The following PCDH17 variants were observed in gnomAD, a reference collection of about 807,000 sequenced individuals.
PCDH17 encodes the protein protocadherin-17.
Under a neutral mutation model 67.7 loss-of-function variants are expected in PCDH17, and 21 were observed. That is an observed-to-expected ratio of 0.31 (90% confidence interval 0.22 to 0.45). The LOEUF is 0.45. Ranked by LOEUF, PCDH17 falls within the 20% of genes least tolerant of loss-of-function variation. The pLI is 1.00. For missense variants in PCDH17, 1,471 were observed against 1,564.8 expected (o/e 0.94, Z 1.01); for synonymous variants, 701 against 656.7 (o/e 1.07, Z -1.03).
At chr13:57,644,451 A>G (rs1193481006) in intron 1 of PCDH17, among the ~76,000 whole-genome samples, 1 of 151,546 alleles carries the variant, frequency 6.6e-6, no homozygotes, top group Non-Finnish European at 1.5e-5. Flanking sequence ...ACAATTACAT[A>G]GTAATTTGGG....
chr13:57,665,339 C>G (rs908220573), intron 1 of PCDH17, among the ~76,000 whole-genome samples: 1 of 151,526 alleles, frequency 6.6e-6, no homozygotes, highest in African/African-American at 2.4e-5. Context: ...TTTCAGTAAT[C>G]GCTCACAAAT....
intron 1 of PCDH17, among the ~76,000 whole-genome samples, chr13:57,636,468 T>C (rs192373634): frequency 6.6e-6 from 1 of 152,274 alleles, no homozygotes; most frequent in Non-Finnish European, 1.5e-5. Flanking sequence ...TACTAATACT[T>C]AGCAAAATAT....
At chr13:57,631,530 G>A (rs1954720097), upstream of PCDH17, among the ~76,000 whole-genome samples, 1 of 152,186 alleles carries the variant, frequency 6.6e-6, no homozygotes, top group Admixed American at 6.5e-5. Context: ...TGGTAGCGGA[G>A]GCTACTGGCT....
At chr13:57,655,819 A>G (rs1298070382) in intron 1 of PCDH17, among the ~76,000 whole-genome samples, 1 of 152,086 alleles carries the variant, frequency 6.6e-6, no homozygotes, top group Non-Finnish European at 1.5e-5. Flanking sequence ...CCATCTTGGT[A>G]TTAAGGGGGA....
chr13:57,704,324 A>G (rs902506932), intron 3 of PCDH17, among the ~76,000 whole-genome samples: 7 of 152,108 alleles, frequency 4.6e-5, no homozygotes, highest in African/African-American at 1.7e-4. Flanking sequence ...GGCATTACAG[A>G]TCACAAAATC....
chr13:57,642,494 C>T (rs1278052438), intron 1 of PCDH17, among the ~76,000 whole-genome samples: 1 of 151,536 alleles, frequency 6.6e-6, no homozygotes, highest in South Asian at 2.1e-4. Context: ...TTACAGTTAC[C>T]TTACAACTTC....
chr13:57,658,950 G>T (rs1426136051), intron 1 of PCDH17, among the ~76,000 whole-genome samples: 2 of 152,026 alleles, frequency 1.3e-5, no homozygotes, highest in African/African-American at 4.8e-5. Flanking sequence ...ATAATCCATT[G>T]CCTCCTGTGT....
intron 1 of PCDH17, among the ~76,000 whole-genome samples, chr13:57,655,455 G>A (rs1446493357): frequency 6.6e-6 from 1 of 151,852 alleles, no homozygotes; most frequent in African/African-American, 2.4e-5. Context: ...TCTGTTATAT[G>A]TTTGGATCAC....
chr13:57,681,871 TTA>T (rs1427318335), intron 3 of PCDH17, among the ~76,000 whole-genome samples: 1 of 151,936 alleles, frequency 6.6e-6, no homozygotes, highest in East Asian at 1.9e-4. Flanking sequence ...AGCATGAGTG[TTA>T]TGTTTAGAAC....
chr13:57,714,963 G>A (rs1027341601), intron 3 of PCDH17, among the ~76,000 whole-genome samples: 4 of 151,748 alleles, frequency 2.6e-5, no homozygotes, highest in African/African-American at 9.7e-5. Flanking sequence ...ATAAAGAGGT[G>A]ATTATTTAAA....
At chr13:57,678,444 G>A (rs189046351) in intron 3 of PCDH17, among the ~76,000 whole-genome samples, 46 of 151,644 alleles carry the variant, frequency 3.0e-4, no homozygotes, top group Admixed American at 1.5e-3. Flanking sequence ...AGCATAATGG[G>A]GAGGCTAGCT....
rs1222697615 is a variant in PCDH17 at position 57,640,323 on chromosome 13, G to A, written c.2565+5212G>A. ...TGAAAATTCACATGCATTTATTGCA[G>A]TGAAATTTGGCTATGCCTGTATTTA... On this transcript the variant is annotated intron_variant, in intron 1 of 3. Coordinates refer to ENST00000377918, the MANE Select transcript of PCDH17 (RefSeq NM_001040429.3). 2.6e-5 allele frequency among the ~76,000 whole-genome samples: 4 copies of A among 152,058 alleles called. No homozygotes were observed. The South Asian group carries it at 8.3e-4, about 31-fold the overall frequency.
At chr13:57,647,710 A>G (rs1385837009) in intron 1 of PCDH17, among the ~76,000 whole-genome samples, 1 of 151,848 alleles carries the variant, frequency 6.6e-6, no homozygotes, top group Non-Finnish European at 1.5e-5. Flanking sequence ...TTGAGTATAT[A>G]TTTTAAGATG....
chr13:57,633,118 A>G lies in PCDH17; in HGVS notation c.572A>G (p.Lys191Arg). 1 of 1,613,490 alleles carries G rather than the reference A, an allele frequency of 6.2e-7. No homozygotes were observed. ...LDVKSRGDGT[K>R]FPELVIQKAL... ...GTTAAGTCCCGCGGCGACGGCACCAAGTTCCCAGAACTGGTCATCCAGAAG... is the reference window on the plus strand; with the variant it reads ...GTTAAGTCCCGCGGCGACGGCACCAGGTTCCCAGAACTGGTCATCCAGAAG... Residue 191 changes from lysine (K) to arginine (R), a missense_variant, in exon 1 of 4, where the codon AAG becomes AGG. Lys to Arg is a conservative substitution (Grantham distance 26, BLOSUM62 2). This residue lies in a region of PCDH17 where 1,163 missense variants were observed against 1,230.0 expected (regional missense o/e 0.95). Transcript: ENST00000377918. This position sits in a 1 kb window ranked among gnomAD's most constrained non-coding sequence, Gnocchi z 6.2.
chr13:57,707,232 C>T (rs1213086756), intron 3 of PCDH17, among the ~76,000 whole-genome samples: 1 of 151,904 alleles, frequency 6.6e-6, no homozygotes, highest in Non-Finnish European at 1.5e-5. Flanking sequence ...GTCTTACTTT[C>T]AGTGTCCAAA....
chr13:57,669,518 G>A (rs1447540497), intron 3 of PCDH17, among the ~76,000 whole-genome samples: 2 of 151,346 alleles, frequency 1.3e-5, no homozygotes, highest in Non-Finnish European at 2.9e-5. Flanking sequence ...TTATCTATCT[G>A]TCAGTCTGTC....
At chr13:57,677,575 G>A (rs113786534) in intron 3 of PCDH17, among the ~76,000 whole-genome samples, 4,956 of 151,754 alleles carry the variant, frequency 0.033, 116 homozygotes, top group Non-Finnish European at 0.048. Context: ...CAGTAAGAAC[G>A]GGAAAGCCAT....
chr13:57,703,161 C>A, intron 3 of PCDH17, among the ~76,000 whole-genome samples: 1 of 152,224 alleles, frequency 6.6e-6, no homozygotes, highest in Non-Finnish European at 1.5e-5. Context: ...AAGGCATCTT[C>A]TTTTTCTCTA....
Position 57,727,715 on chromosome 13 carries a change from T to C in PCDH17, c.*2421T>C, listed in dbSNP as rs1955925411. The C allele has an allele frequency of 1.3e-5, 2 of 152,148 alleles. No homozygotes were observed. The highest frequency in any genetic ancestry group is 2.9e-5 in the Non-Finnish European group (2 of 68,002). The allele number at this position is 152,148 out of a possible 1,614,324, so 9.4% of individuals were successfully genotyped here. A position where few individuals can be genotyped will look rare whatever the true frequency, so the allele number is the denominator to read the frequency against. ...ATTTATGTATCTGAAATGTGTTGTC[T>C]CTGTTATATGATGTTATTTTTGCCA... On this transcript the variant is annotated 3_prime_UTR_variant, in exon 4 of 4. Coordinates refer to ENST00000377918, the MANE Select transcript of PCDH17 (RefSeq NM_001040429.3).
Sources: allele counts gnomAD v4.1 joint callset (sites outside exome capture counted in the v4.1 genomes callset), GRCh38; gene constraint gnomAD v4.1.1; regional missense constraint gnomAD v4.1.1; non-coding constraint Gnocchi (gnomAD v3.1); transcripts MANE v1.5; gene names NCBI Gene and HGNC (gene_info 2026-07-23, HGNC 2026-07-21).